Variants in ZDHHC7 observed in about 807,000 individuals in gnomAD.
ZDHHC7 encodes zDHHC palmitoyltransferase 7, also known as palmitoyltransferase ZDHHC7.
Under a neutral mutation model 34.1 loss-of-function variants are expected in ZDHHC7, and 12 were observed. The ratio of observed to expected loss-of-function variants is 0.35; its 90% CI spans 0.23 to 0.57. The LOEUF is 0.57. Ranked by LOEUF, ZDHHC7 falls within the 20% of genes least tolerant of loss-of-function variation. The probability of loss-of-function intolerance (pLI) is 0.84; values close to 1 mark genes in which losing one functional copy is unlikely to be tolerated. For missense variants in ZDHHC7, 388 were observed against 402.7 expected, an observed-to-expected ratio of 0.96 and a Z score of 0.31; for synonymous variants, 185 against 155.4, an observed-to-expected ratio of 1.19 and a Z score of -1.42.
intron 1 of ZDHHC7, among the ~76,000 whole-genome samples, chr16:85,010,045 C>CTTT (rs10630948): frequency 0.025 from 3,457 of 138,410 alleles, 172 homozygotes; most frequent in African/African-American, 0.084. Context: ...AACAAAGTGA[C>CTTT]TTTTTTTTTT....
At chr16:84,979,747 T>C (rs1322127555) in intron 4 of ZDHHC7, among the ~76,000 whole-genome samples, 1 of 152,138 alleles carries the variant, frequency 6.6e-6, no homozygotes, top group Non-Finnish European at 1.5e-5. Flanking sequence ...TCTTGAATCA[T>C]CAACTACACA....
the ZDHHC7 span, among the ~76,000 whole-genome samples, chr16:85,022,074 G>C: frequency 6.6e-6 from 1 of 150,740 alleles, no homozygotes; most frequent in Non-Finnish European, 1.5e-5. Flanking sequence ...GCAGGAGAAT[G>C]GCGTGAACCC....
At chr16:85,009,709 CTTT>C (rs543110602) in intron 1 of ZDHHC7, among the ~76,000 whole-genome samples, 2 of 126,612 alleles carry the variant, frequency 1.6e-5, no homozygotes. Context: ...GACTTTTTTT[CTTT>C]TTTTTTTTTT....
At chr16:84,981,175 A>G (rs2072363000) in intron 4 of ZDHHC7, among the ~76,000 whole-genome samples, 1 of 152,218 alleles carries the variant, frequency 6.6e-6, no homozygotes. Context: ...GAGCAGAAAA[A>G]GGAGTCAGGA....
At chr16:85,006,116 T>A (rs938695868) in intron 1 of ZDHHC7, among the ~76,000 whole-genome samples, 1 of 152,078 alleles carries the variant, frequency 6.6e-6, no homozygotes, top group Admixed American at 6.6e-5. Flanking sequence ...GTAATCCCAG[T>A]GCTTTGAGAG....
the ZDHHC7 span, among the ~76,000 whole-genome samples, chr16:85,023,162 T>C: frequency 1.3e-5 from 2 of 150,750 alleles, no homozygotes; most frequent in African/African-American, 4.9e-5. Flanking sequence ...TTCTTTTCTT[T>C]CTTTTCTTTT....
the ZDHHC7 span, among the ~76,000 whole-genome samples, chr16:85,022,146 C>G: frequency 6.8e-6 from 1 of 146,476 alleles, no homozygotes; most frequent in Non-Finnish European, 1.5e-5. Flanking sequence ...GGCGACAGAG[C>G]GAAACTCTGT....
At chr16:84,990,691 T>A in intron 2 of ZDHHC7, 56 bp from the exon 3 acceptor site, 1 of 1,435,782 alleles carries the variant, frequency 7.0e-7, no homozygotes, top group Non-Finnish European at 9.5e-7. Context: ...CAAGCTACCT[T>A]AAATATGATG....
the ZDHHC7 span, among the ~76,000 whole-genome samples, chr16:85,020,295 T>G: frequency 3.3e-5 from 5 of 152,188 alleles, no homozygotes. Flanking sequence ...GGTTTTAAAC[T>G]CATATTTATT....
Position 84,978,862 on chromosome 16 carries a change from CAAAAA to C in ZDHHC7, c.537+322_537+326del, listed in dbSNP as rs200114312. On this transcript the variant is annotated intron_variant, in intron 5 of 7. Transcript: ENST00000313732. Reference sequence around the variant, plus strand: ...GGGCAACAAGAGCAAAACTCCATCTCAAAAAAAAAAAAAAGAAAAAAAGAAAAGAA... The same window carrying C: ...GGGCAACAAGAGCAAAACTCCATCTCAAAAAAAAAGAAAAAAAGAAAAGAA... 5.5e-3 allele frequency among the ~76,000 whole-genome samples: 586 copies of C among 107,464 alleles called. 5 individuals carry two copies. The highest frequency in any genetic ancestry group is 0.027 in the Middle Eastern group (6 of 220). The allele number at this position is 107,464 out of a possible 152,430, so 70.5% of individuals were successfully genotyped here.
intron 3 of ZDHHC7, among the ~76,000 whole-genome samples, chr16:84,987,936 G>A (rs1293627456): frequency 5.3e-5 from 8 of 152,216 alleles, no homozygotes; most frequent in Non-Finnish European, 1.5e-5. Context: ...TCGGGAGGCC[G>A]AGGCGGGCAG....
Position 84,990,414 on chromosome 16 carries a change from T to C in ZDHHC7, c.205A>G (p.Met69Val), listed in dbSNP as rs1291249080. ...CAGAAGTCTTTGGAAGGCAGCAGCATGACGAAAGTCACCACGAAGTCTGCA... is the reference window on the plus strand; with the variant it reads ...CAGAAGTCTTTGGAAGGCAGCAGCACGACGAAAGTCACCACGAAGTCTGCA... The part of the protein sequence containing the change: ...AYADFVVTFV[M>V]LLPSKDFWYS... Residue 69 changes from methionine to valine, a missense_variant, in exon 3 of 8, where the codon ATG becomes GTG. By Grantham distance (21) the Met-to-Val change is conservative. Coordinates refer to ENST00000313732, the MANE Select transcript of ZDHHC7 (RefSeq NM_017740.3). 9 of 1,614,146 alleles carry C rather than the reference T, an allele frequency of 5.6e-6. No individual in the cohort carries two copies. In the South Asian group the frequency reaches 8.8e-5, roughly 16 times the overall value.
chr16:85,017,153 T>G, the ZDHHC7 span, among the ~76,000 whole-genome samples: 2 of 152,098 alleles, frequency 1.3e-5, no homozygotes, highest in African/African-American at 4.8e-5. Context: ...TTTACATACA[T>G]GAAAAAATTT....
intron 1 of ZDHHC7, among the ~76,000 whole-genome samples, chr16:85,006,269 G>A (rs1567507151): frequency 1.3e-5 from 2 of 151,958 alleles, no homozygotes; most frequent in East Asian, 1.9e-4. Context: ...TGAGGCAGGA[G>A]GATTACTTGA....
At chr16:84,995,332 CTT>C (rs1035255864) in intron 2 of ZDHHC7, among the ~76,000 whole-genome samples, 1 of 152,192 alleles carries the variant, frequency 6.6e-6, no homozygotes, top group African/African-American at 2.4e-5. Flanking sequence ...CAAGCAAAAA[CTT>C]TCCGTTTCAG....
intron 2 of ZDHHC7, among the ~76,000 whole-genome samples, chr16:84,995,565 G>A (rs534148752): frequency 5.3e-5 from 8 of 152,256 alleles, no homozygotes; most frequent in East Asian, 1.9e-4. Context: ...GACAGAGGTC[G>A]CAGAGAGCCA....
chr16:84,983,751 C>A (rs545902681), intron 3 of ZDHHC7, among the ~76,000 whole-genome samples: 1 of 152,070 alleles, frequency 6.6e-6, no homozygotes, highest in East Asian at 1.9e-4. Context: ...GCTTTAATCC[C>A]AGCACTTTGG....
At position 84,974,337 on chromosome 16, in the gene ZDHHC7, C is replaced by T. The variant is rs1482835355; in HGVS notation, c.*2006G>A. 6.6e-6 allele frequency: 1 copy of T among 152,164 alleles called. No homozygotes were observed. The highest frequency in any genetic ancestry group is 1.5e-5 in the Non-Finnish European group (1 of 68,032). The allele number at this position is 152,164 out of a possible 1,614,324, so 9.4% of individuals were successfully genotyped here. ...AGGTCACTTGTCATGGGCACAAAAGCATTTAGAGTTTCTGGAAACTGTTTG... is the reference window on the plus strand; with the variant it reads ...AGGTCACTTGTCATGGGCACAAAAGTATTTAGAGTTTCTGGAAACTGTTTG... On this transcript the variant is annotated 3_prime_UTR_variant, in exon 8 of 8. Coordinates refer to ENST00000313732, the MANE Select transcript of ZDHHC7 (RefSeq NM_017740.3).
intron 1 of ZDHHC7, among the ~76,000 whole-genome samples, chr16:85,001,536 T>G (rs1041881187): frequency 1.1e-4 from 16 of 151,820 alleles, no homozygotes; most frequent in Admixed American, 4.6e-4. Flanking sequence ...GGTGGAAGTT[T>G]CCAGGTAAGC....
Sources: allele counts gnomAD v4.1 joint callset (sites outside exome capture counted in the v4.1 genomes callset), GRCh38; gene constraint gnomAD v4.1.1; transcripts MANE v1.5; gene names NCBI Gene and HGNC (gene_info 2026-07-23, HGNC 2026-07-21).